Variants in EDIL3 observed in about 807,000 individuals in gnomAD.
EDIL3 encodes the protein EGF like and discoidin domains 3, also known as EGF-like repeat and discoidin I-like domain-containing protein 3.
A neutral mutation model predicts 67.4 loss-of-function variants in EDIL3; 37 were observed. The observed-to-expected ratio is 0.55, with a 90% CI of 0.42 to 0.72. The LOEUF (loss-of-function observed/expected upper bound fraction) is 0.72, where lower values mean the gene tolerates loss of function less well. EDIL3 is among the 30% of genes least tolerant of loss of function. The probability of loss-of-function intolerance (pLI) is 0.00; values close to 1 mark genes in which losing one functional copy is unlikely to be tolerated. For missense variants in EDIL3, 527 were observed against 586.3 expected, an observed-to-expected ratio of 0.90 and a Z score of 1.04; for synonymous variants, 195 against 196.3, an observed-to-expected ratio of 0.99 and a Z score of 0.05.
intron 1 of EDIL3, among the ~76,000 whole-genome samples, chr5:84,281,732 C>T (rs1233059889): frequency 2.0e-5 from 3 of 151,848 alleles, no homozygotes; most frequent in Non-Finnish European, 2.9e-5. Flanking sequence ...CCAGGCAGTC[C>T]AAATACTTAT....
chr5:84,020,643 T>C (rs1247701562), intron 9 of EDIL3, among the ~76,000 whole-genome samples: 1 of 151,884 alleles, frequency 6.6e-6, no homozygotes, highest in Admixed American at 6.6e-5. Context: ...ATACACACTT[T>C]GGTATTGAGA....
intron 1 of EDIL3, among the ~76,000 whole-genome samples, chr5:84,371,359 ATGTGTGT>A (rs1561271585): frequency 3.9e-5 from 5 of 129,778 alleles, no homozygotes; most frequent in African/African-American, 1.4e-4. Flanking sequence ...GTGTATATAT[ATGTGTGT>A]ATATATGTAT....
intron 1 of EDIL3, among the ~76,000 whole-genome samples, chr5:84,329,763 AC>A: frequency 6.6e-6 from 1 of 152,264 alleles, no homozygotes; most frequent in Non-Finnish European, 1.5e-5. Flanking sequence ...ATAATAATGA[AC>A]AAGATGATAA....
At chr5:84,376,009 C>A (rs1423327659) in intron 1 of EDIL3, among the ~76,000 whole-genome samples, 1 of 152,056 alleles carries the variant, frequency 6.6e-6, no homozygotes, top group African/African-American at 2.4e-5. Flanking sequence ...AATCATTTAA[C>A]AAAATATCTC....
intron 6 of EDIL3, among the ~76,000 whole-genome samples, chr5:84,082,978 G>T (rs2112260131): frequency 6.6e-6 from 1 of 152,260 alleles, no homozygotes; most frequent in East Asian, 1.9e-4. Context: ...TGATACAAAA[G>T]ATTCATTGCA....
intron 9 of EDIL3, among the ~76,000 whole-genome samples, chr5:84,008,126 G>T (rs982178270): frequency 6.6e-6 from 1 of 152,138 alleles, no homozygotes; most frequent in African/African-American, 2.4e-5. Context: ...GTTACCAGAG[G>T]CTGGAAAGGG....
intron 1 of EDIL3, among the ~76,000 whole-genome samples, chr5:84,290,630 C>G (rs1221369050): frequency 6.6e-6 from 1 of 152,112 alleles, no homozygotes; most frequent in Non-Finnish European, 1.5e-5. Flanking sequence ...GTATCTGTAC[C>G]AACAGATCTT....
intron 2 of EDIL3, among the ~76,000 whole-genome samples, chr5:84,232,894 C>G (rs1744610743): frequency 1.3e-5 from 2 of 152,124 alleles, no homozygotes; most frequent in Admixed American, 6.6e-5. Context: ...AAATAAACCT[C>G]AAAGTGGGCA....
At chr5:84,286,361 C>T (rs1745807351) in intron 1 of EDIL3, among the ~76,000 whole-genome samples, 1 of 151,944 alleles carries the variant, frequency 6.6e-6, no homozygotes, top group Admixed American at 6.6e-5. Flanking sequence ...CGTGAAAGAG[C>T]AGAAGATTTA....
At chr5:84,037,973 TTTTC>T (rs1486262557) in intron 9 of EDIL3, among the ~76,000 whole-genome samples, 2 of 147,520 alleles carry the variant, frequency 1.4e-5, no homozygotes, top group East Asian at 2.0e-4. Flanking sequence ...TTCTCTTTTC[TTTTC>T]TTTCTTTCTT....
rs149419858 is a variant in EDIL3 at position 84,249,792 on chromosome 5, A to T, written c.196+4292T>A. On this transcript the variant is annotated intron_variant, in intron 2 of 10. Transcript: ENST00000296591. ...AAATTCTCAAGATTTCCATTTATGA[A>T]CTGTATAATATATACTGATAGGCTG... Among the ~76,000 whole-genome samples the T allele has an allele frequency of 2.8e-3, 429 of 152,248 alleles. 3 individuals are homozygous for T. The highest frequency in any genetic ancestry group is 9.5e-3 in the African/African-American group (394 of 41,550).
rs1170972212 is a variant in EDIL3 at position 84,340,503 on chromosome 5, A to ACTCTCTCT, written c.67+43797_67+43804dup. Reference sequence around the variant, plus strand: ...CATGGAATTTCACAAAGGGAAGATTACTCTCTCTCTCTCTCTCTCTCTCTC... The same window carrying ACTCTCTCT: ...CATGGAATTTCACAAAGGGAAGATTACTCTCTCTCTCTCTCTCTCTCTCTCTCTCTCTC... On this transcript the variant is annotated intron_variant, in intron 1 of 10. Coordinates refer to ENST00000296591, the MANE Select transcript of EDIL3 (RefSeq NM_005711.5). Among the ~76,000 whole-genome samples the ACTCTCTCT allele has an allele frequency of 9.2e-3, 355 of 38,528 alleles. 10 individuals are homozygous for ACTCTCTCT. Among genetic ancestry groups the ACTCTCTCT allele is most frequent in the East Asian group, 0.02 (15 of 732 alleles). 25.3% of individuals were successfully genotyped at this position (38,528 alleles called of 152,430 possible). A position where few individuals can be genotyped will look rare whatever the true frequency, so the allele number is the denominator to read the frequency against.
intron 1 of EDIL3, among the ~76,000 whole-genome samples, chr5:84,355,599 G>A (rs556295563): frequency 1.3e-5 from 2 of 152,150 alleles, no homozygotes; most frequent in East Asian, 2.0e-4. Flanking sequence ...TGTTTGCCTA[G>A]GTATCACCAG....
intron 6 of EDIL3, among the ~76,000 whole-genome samples, chr5:84,075,906 A>G (rs1277171041): frequency 6.7e-6 from 1 of 149,372 alleles, no homozygotes; most frequent in East Asian, 2.0e-4. Flanking sequence ...ACACACACAC[A>G]CACACACACA....
chr5:84,239,513 T>C (rs1744754297), intron 2 of EDIL3, among the ~76,000 whole-genome samples: 1 of 152,186 alleles, frequency 6.6e-6, no homozygotes, highest in Non-Finnish European at 1.5e-5. Context: ...TATGTATACA[T>C]GTGCCAGCAC....
At chr5:84,284,771 C>G (rs1745777324) in intron 1 of EDIL3, among the ~76,000 whole-genome samples, 1 of 152,144 alleles carries the variant, frequency 6.6e-6, no homozygotes, top group Non-Finnish European at 1.5e-5. Flanking sequence ...AAAGATCATA[C>G]TTGGAAATAG....
intron 9 of EDIL3, among the ~76,000 whole-genome samples, chr5:84,010,166 T>C (rs188161922): frequency 5.4e-4 from 83 of 152,324 alleles, no homozygotes; most frequent in Middle Eastern, 3.4e-3. Context: ...GGGGTTGTGT[T>C]TGGAGTTTAA....
intron 9 of EDIL3, among the ~76,000 whole-genome samples, chr5:84,004,481 G>T (rs562448883): frequency 1.3e-5 from 2 of 151,892 alleles, no homozygotes; most frequent in African/African-American, 4.8e-5. Context: ...CATACTCTCA[G>T]ATCAAAGTGT....
rs1438010407 is a variant in EDIL3, at chr5:84,064,910, C to T, written c.808-66G>A. ...ATTTACCTATTTTTACATATTTACC[C>T]TATCTATACCTTATCGAAAATAATT... On this transcript the variant is annotated intron_variant, in intron 7 of 10. Transcript: ENST00000296591. 3.4e-6 allele frequency: 5 copies of T among 1,455,736 alleles called. No individual in the cohort carries two copies. The East Asian group carries it at 1.2e-4, about 35-fold the overall frequency. 90.2% of individuals were successfully genotyped at this position (1,455,736 alleles called of 1,614,324 possible). A position where few individuals can be genotyped will look rare whatever the true frequency, so the allele number is the denominator to read the frequency against.
Sources: gnomAD v4.1 joint callset for allele counts (sites outside exome capture counted in the v4.1 genomes callset) on GRCh38, gnomAD v4.1.1 for gene constraint, MANE v1.5 for transcripts, NCBI Gene and HGNC (gene_info 2026-07-23, HGNC 2026-07-21) for gene names.